The following EXOC2 variants were observed in gnomAD, a reference collection of about 807,000 sequenced individuals.
EXOC2 encodes SEC5-like 1.
Under a neutral mutation model 131.8 loss-of-function variants are expected in EXOC2, and 70 were observed. The observed-to-expected ratio is 0.53, with a 90% CI of 0.44 to 0.65. EXOC2 has a LOEUF of 0.65. Ranked by LOEUF, EXOC2 falls within the 30% of genes least tolerant of loss-of-function variation. EXOC2 has a pLI of 0.00. For missense variants in EXOC2, 923 were observed against 1,108.6 expected, an observed-to-expected ratio of 0.83 and a Z score of 2.38; for synonymous variants, 411 against 398.4, an observed-to-expected ratio of 1.03 and a Z score of -0.38.
chr6:577,303 G>T (rs1439305006), intron 11 of EXOC2, among the ~76,000 whole-genome samples: 9 of 151,924 alleles, frequency 5.9e-5, no homozygotes, highest in African/African-American at 9.7e-5. Context: ...TTGGACACAT[G>T]GGATTTCACT....
intron 23 of EXOC2, among the ~76,000 whole-genome samples, chr6:500,587 G>C (rs1051766203): frequency 4.6e-5 from 7 of 152,064 alleles, no homozygotes; most frequent in African/African-American, 1.4e-4. Flanking sequence ...CATTCACAGC[G>C]TTCACTAAGA....
At chr6:663,211 C>T (rs926879562) in intron 1 of EXOC2, among the ~76,000 whole-genome samples, 9 of 152,120 alleles carry the variant, frequency 5.9e-5, no homozygotes, top group Non-Finnish European at 1.2e-4. Flanking sequence ...TGGATAAATT[C>T]CTGGATAAAT....
intron 13 of EXOC2, among the ~76,000 whole-genome samples, chr6:567,317 C>A (rs1287309275): frequency 6.6e-6 from 1 of 152,232 alleles, no homozygotes; most frequent in Non-Finnish European, 1.5e-5. Flanking sequence ...TGCTTCCCCC[C>A]ATCCTCTGTG....
intron 17 of EXOC2, among the ~76,000 whole-genome samples, chr6:560,479 TAA>T (rs1193727452): frequency 6.6e-6 from 1 of 152,196 alleles, no homozygotes; most frequent in Non-Finnish European, 1.5e-5. Context: ...AATAAACCCA[TAA>T]AGTCAATTTT....
intron 22 of EXOC2, among the ~76,000 whole-genome samples, chr6:532,937 A>G (rs1561824482): frequency 1.3e-5 from 2 of 152,188 alleles, no homozygotes; most frequent in Non-Finnish European, 2.9e-5. Flanking sequence ...GGGAGCCCTC[A>G]GGAAACTTAC....
At chr6:668,619 C>T (rs1763720496) in intron 1 of EXOC2, among the ~76,000 whole-genome samples, 1 of 152,140 alleles carries the variant, frequency 6.6e-6, no homozygotes, top group Non-Finnish European at 1.5e-5. Context: ...TTGGATTAAT[C>T]GTACCCCATG....
intron 1 of EXOC2, among the ~76,000 whole-genome samples, chr6:678,150 G>A (rs1764238628): frequency 6.6e-6 from 1 of 152,176 alleles, no homozygotes; most frequent in Non-Finnish European, 1.5e-5. Flanking sequence ...ATGGGGTAAA[G>A]AACACTGGTG....
chr6:572,968 C>G (rs1420279636), intron 12 of EXOC2, among the ~76,000 whole-genome samples: 2 of 152,202 alleles, frequency 1.3e-5, no homozygotes, highest in African/African-American at 4.8e-5. Flanking sequence ...GACTTATCAG[C>G]CTTGTCCTCT....
At chr6:563,962 G>C in intron 16 of EXOC2, 71 bp downstream of exon 16, 1 of 1,563,308 alleles carries the variant, frequency 6.4e-7, no homozygotes, top group Non-Finnish European at 8.7e-7. Context: ...TCAAGGATTT[G>C]GACACTGAAA....
intron 10 of EXOC2, 44 bp from the exon 11 acceptor site, chr6:592,631 CAT>C: frequency 6.9e-7 from 1 of 1,453,798 alleles, no homozygotes; most frequent in Non-Finnish European, 9.6e-7. Context: ...GAAATGCTGG[CAT>C]ATTTTAAAAT....
At position 577,964 on chromosome 6, in the gene EXOC2, A is replaced by G. The variant is rs1269439733; in HGVS notation, c.1193-1082T>C. On this transcript the variant is annotated intron_variant, in intron 11 of 27. Transcript: ENST00000230449. ...TCTGACAGCAGTGAGAATGTATATA[A>G]TTTATGTATATAATTTAATCGACTT... 2.6e-5 allele frequency among the ~76,000 whole-genome samples: 4 copies of G among 152,320 alleles called. No individual in the cohort carries two copies. The East Asian group carries it at 5.8e-4, about 22-fold the overall frequency.
intron 27 of EXOC2, among the ~76,000 whole-genome samples, chr6:487,558 C>T (rs564998387): frequency 3.4e-4 from 51 of 152,234 alleles, no homozygotes; most frequent in African/African-American, 1.1e-3. Flanking sequence ...AGGTGCCCGC[C>T]ACCACACCCG....
rs151192784 is a variant in EXOC2, at chr6:617,821, T to G, written c.551A>C (p.Lys184Thr). 2.2e-5 allele frequency: 36 copies of G among 1,613,636 alleles called. No homozygotes were observed. The highest frequency in any genetic ancestry group is 2.9e-5 in the Non-Finnish European group (34 of 1,179,756). Residue 184 changes from lysine to threonine, a missense_variant, in exon 6 of 28, where the codon AAA becomes ACA. Physicochemically the swap from Lys to Thr is moderately conservative, Grantham distance 78. Coordinates refer to ENST00000230449, the MANE Select transcript of EXOC2 (RefSeq NM_018303.6). ...TCTCTTTAGGTTGGTGACTGCCATT[T>G]TGAGCTGCTCAAAACTGAAATGAAA... is the stretch of plus-strand genomic sequence containing the variant. ...NHSNTSFEQL[K>T]MAVTNLKRQA...
At chr6:531,617 G>A (rs771428787) in intron 23 of EXOC2, among the ~76,000 whole-genome samples, 3 of 152,162 alleles carry the variant, frequency 2.0e-5, no homozygotes, top group Non-Finnish European at 2.9e-5. Flanking sequence ...TTTTATCATC[G>A]TTTAGTATAA....
intron 23 of EXOC2, chr6:525,466 A>C (rs1370092275): frequency 6.6e-6 from 1 of 152,208 alleles, no homozygotes; most frequent in Non-Finnish European, 1.5e-5. Flanking sequence ...GACTCCTGAA[A>C]ATATCAGGAA....
chr6:493,156 TCA>T (rs1415990005), intron 25 of EXOC2, among the ~76,000 whole-genome samples: 1 of 152,180 alleles, frequency 6.6e-6, no homozygotes, highest in African/African-American at 2.4e-5. Context: ...AGCCAGCTCT[TCA>T]CAGTTTATTA....
chr6:505,821 T>A (rs1764517935), intron 23 of EXOC2, among the ~76,000 whole-genome samples: 1 of 152,210 alleles, frequency 6.6e-6, no homozygotes, highest in Non-Finnish European at 1.5e-5. Flanking sequence ...TGGCACAAGA[T>A]GTTCAAAAAT....
intron 11 of EXOC2, among the ~76,000 whole-genome samples, chr6:586,229 A>G (rs1316215949): frequency 6.6e-6 from 1 of 152,144 alleles, no homozygotes; most frequent in Non-Finnish European, 1.5e-5. Context: ...ATAACCAGAC[A>G]CACTCGAGTC....
At position 516,330 on chromosome 6, in the gene EXOC2, G is replaced by A. The variant is rs374263431; in HGVS notation, c.2380+16139C>T. On this transcript the variant is annotated intron_variant, in intron 23 of 27. Transcript: ENST00000230449. ...AGAGGGAAGACAGCTGCTAGGCCAC[G>A]CGTACATGAAGATGATCCAAACTGC... 5.3e-5 allele frequency among the ~76,000 whole-genome samples: 8 copies of A among 152,244 alleles called. No homozygotes were observed. In the East Asian group the frequency reaches 1.2e-3, roughly 22 times the overall value.
Sources: gnomAD v4.1 joint callset for allele counts (sites outside exome capture counted in the v4.1 genomes callset) on GRCh38, gnomAD v4.1.1 for gene constraint, MANE v1.5 for transcripts, NCBI Gene and HGNC (gene_info 2026-07-23, HGNC 2026-07-21) for gene names.